SPTB: variants seen among roughly 807,000 people sequenced by gnomAD.
SPTB encodes spectrin beta chain, erythrocytic.
A neutral mutation model predicts 256.2 loss-of-function variants in SPTB; 45 were observed. That is an observed-to-expected ratio of 0.18 (90% CI 0.14 to 0.23). The LOEUF (loss-of-function observed/expected upper bound fraction) is 0.23. Ranked by LOEUF, SPTB falls within the 10% of genes least tolerant of loss-of-function variation. SPTB has a pLI of 1.00. For synonymous variants in SPTB, 1,231 were observed against 1,243.1 expected, an observed-to-expected ratio of 0.99 and a Z score of 0.21; for missense variants, 2,715 against 3,040.4, an observed-to-expected ratio of 0.89 and a Z score of 2.52.
chr14:64,791,690 C>A, intron 15 of SPTB, 29 bp downstream of exon 15: 6 of 1,613,860 alleles, frequency 3.7e-6, no homozygotes, highest in Non-Finnish European at 4.2e-6. Context: ...GAGACAATGC[C>A]CCCGCCCCAT....
chr14:64,839,151 C>A (rs2083568152), intron 1 of SPTB, among the ~76,000 whole-genome samples: 1 of 152,026 alleles, frequency 6.6e-6, no homozygotes, highest in Non-Finnish European at 1.5e-5. Context: ...AGCCTCTATG[C>A]AAATATTTAT....
Position 64,790,313 on chromosome 14 carries a change from T to A in SPTB, c.2804+1406A>T, listed in dbSNP as rs1366350852. ...TCTGTAAAGATCAACATTCTCAGACTATAGTTTATTGTTGAGCTGATGAGT... is the reference window on the plus strand; with the variant it reads ...TCTGTAAAGATCAACATTCTCAGACAATAGTTTATTGTTGAGCTGATGAGT... On this transcript the variant is annotated intron_variant, in intron 15 of 35. Coordinates refer to ENST00000644917, the MANE Select transcript of SPTB (RefSeq NM_001355436.2). This position sits in a 1 kb window ranked among gnomAD's most constrained non-coding sequence, Gnocchi z 4.8. 6.6e-6 allele frequency among the ~76,000 whole-genome samples: 1 copy of A among 152,160 alleles called. No individual in the cohort carries two copies. Among genetic ancestry groups the A allele is most frequent in the Non-Finnish European group, 1.5e-5 (1 of 68,040 alleles).
chr14:64,788,901 G>A (rs2082621755), intron 15 of SPTB, among the ~76,000 whole-genome samples: 2 of 152,364 alleles, frequency 1.3e-5, no homozygotes, highest in Middle Eastern at 3.4e-3. Flanking sequence ...TACGGTGAAA[G>A]ATGATCACAC....
chr14:64,823,270 C>T lies in SPTB; in HGVS notation c.-51-125G>A. 2 of 732,396 alleles carry T rather than the reference C, an allele frequency of 2.7e-6. No homozygotes were observed. Among genetic ancestry groups the T allele is most frequent in the Non-Finnish European group, 4.7e-6 (2 of 422,922 alleles). 45.4% of individuals were successfully genotyped at this position (732,396 alleles called of 1,614,324 possible). A position where few individuals can be genotyped will look rare whatever the true frequency, so the allele number is the denominator to read the frequency against. On this transcript the variant is annotated intron_variant, in intron 1 of 35. Coordinates refer to ENST00000644917, the MANE Select transcript of SPTB (RefSeq NM_001355436.2). The surrounding 1 kb of genome is among the most constrained non-coding windows in gnomAD (Gnocchi z 6.5). ...CAGAAGCAGAACGCCATGTCATCTG[C>T]CTGGGCGTGCTTCCTACCAGGGTCT...
Position 64,802,996 on chromosome 14 carries a change from GT to G in SPTB, c.474+610del, listed in dbSNP as rs2082915225. ...AACTCTGCTGCTATTGTTGTTCAAT[GT>G]TATGCACCCATGGAGAGTGAGATCG... On this transcript the variant is annotated intron_variant, in intron 4 of 35. Transcript: ENST00000644917. The surrounding 1 kb of genome is among the most constrained non-coding windows in gnomAD (Gnocchi z 5.1). Among the ~76,000 whole-genome samples, 1 of 152,150 alleles carries G rather than the reference GT, an allele frequency of 6.6e-6. No homozygotes were observed. The highest frequency in any genetic ancestry group is 1.5e-5 in the Non-Finnish European group (1 of 68,036).
chr14:64,840,313 C>A (rs1274494676), intron 1 of SPTB, among the ~76,000 whole-genome samples: 1 of 152,202 alleles, frequency 6.6e-6, no homozygotes, highest in African/African-American at 2.4e-5. Flanking sequence ...TGAGAATACT[C>A]CACGAGGCTA....
intron 2 of SPTB, among the ~76,000 whole-genome samples, chr14:64,821,767 A>C (rs1281192109): frequency 6.6e-6 from 1 of 152,196 alleles, no homozygotes; most frequent in Non-Finnish European, 1.5e-5. Flanking sequence ...GTAATGACTG[A>C]GACCCAAGTG....
chr14:64,767,491 T>C, intron 30 of SPTB, 139 bp from the exon 31 acceptor site: 1 of 1,418,184 alleles, frequency 7.1e-7, no homozygotes, highest in Non-Finnish European at 9.9e-7. Context: ...TTCTGTCCTT[T>C]GCATTCGGAG....
At chr14:64,828,240 A>G (rs2083402817) in intron 1 of SPTB, among the ~76,000 whole-genome samples, 1 of 146,094 alleles carries the variant, frequency 6.8e-6, no homozygotes, top group Non-Finnish European at 1.5e-5. Flanking sequence ...CAACTTGTCC[A>G]CTCTCATCAT....
chr14:64,820,341 G>A (rs544926042), intron 2 of SPTB, among the ~76,000 whole-genome samples: 2 of 152,292 alleles, frequency 1.3e-5, no homozygotes, highest in African/African-American at 4.8e-5. Context: ...TGCCTACCCA[G>A]CAGAATGGGC....
rs978895532 is a variant in SPTB, at chr14:64,753,615, T to C, written c.6524A>G (p.His2175Arg). Residue 2175 changes from histidine to arginine, a missense_variant, in exon 33 of 36, where the codon CAT becomes CGT. His to Arg is a conservative substitution (Grantham distance 29). Coordinates refer to ENST00000644917, the MANE Select transcript of SPTB (RefSeq NM_001355436.2). ...EPATLPAPRD[H>R]GQSVQMEGYL... is the part of the protein sequence containing the mutation. ...GCCTTCCATCTGCACACTCTGCCCA[T>C]GGTCCCGCGGGGCCGGCAGCGTTGC... The C allele has an allele frequency of 5.0e-6, 8 of 1,613,640 alleles. No homozygotes were observed. The highest frequency in any genetic ancestry group is 5.9e-6 in the Non-Finnish European group (7 of 1,180,014).
intron 24 of SPTB, 95 bp downstream of exon 24, chr14:64,774,298 CTCTT>C (rs1262316636): frequency 6.9e-7 from 1 of 1,450,042 alleles, no homozygotes; most frequent in African/African-American, 1.4e-5. Flanking sequence ...GATGGGAAAA[CTCTT>C]TCCATTTTCC....
At position 64,782,482 on chromosome 14, in the gene SPTB, G is replaced by A. The variant is rs146570433; in HGVS notation, c.4074C>T (p.His1358=). ...TGGCCTGCAGCTCGTCCCAGAGCCG[G>A]TGCAGGGCTTCCAGCTTTTGGGACA... ...ALVSQKLEAL[H]RLWDELQATT... is the part of the protein sequence containing the mutation. The change falls in exon 20 of 36, where the codon CAC becomes CAT. Residue 1358 remains histidine (H), a synonymous_variant. Transcript: ENST00000644917. The A allele has an allele frequency of 3.7e-6, 6 of 1,614,042 alleles. No individual in the cohort carries two copies. The highest frequency in any genetic ancestry group is 1.1e-5 in the South Asian group (1 of 91,090).
chr14:64,802,862 C>A lies in SPTB; in HGVS notation c.475-545G>T, dbSNP rs1296644935. Reference sequence around the variant, plus strand: ...ATGCAGAGAATCAGTGACAAGATGCCCTGATTCCTCCTCTGGAGGTGCAAT... The same window carrying A: ...ATGCAGAGAATCAGTGACAAGATGCACTGATTCCTCCTCTGGAGGTGCAAT... On this transcript the variant is annotated intron_variant, in intron 4 of 35. Coordinates refer to ENST00000644917, the MANE Select transcript of SPTB (RefSeq NM_001355436.2). The surrounding 1 kb of genome is among the most constrained non-coding windows in gnomAD (Gnocchi z 5.1). Among the ~76,000 whole-genome samples, 1 of 152,156 alleles carries A rather than the reference C, an allele frequency of 6.6e-6. No individual in the cohort carries two copies. The highest frequency in any genetic ancestry group is 2.4e-5 in the African/African-American group (1 of 41,436).
chr14:64,822,370 T>TCACACA (rs2083305230), intron 2 of SPTB, among the ~76,000 whole-genome samples: 1 of 1,472 alleles, frequency 6.8e-4, no homozygotes, highest in African/African-American at 1.7e-3. Flanking sequence ...TCTCTCTCTC[T>TCACACA]CTCTCACACA....
At position 64,775,984 on chromosome 14, in the gene SPTB, T is replaced by C. The variant is rs1226038949; in HGVS notation, c.4564-581A>G. Among the ~76,000 whole-genome samples, 2 of 152,184 alleles carry C rather than the reference T, an allele frequency of 1.3e-5. No homozygotes were observed. Among genetic ancestry groups the C allele is most frequent in the Non-Finnish European group, 2.9e-5 (2 of 68,028 alleles). ...TTCTCATATTTTTGTGAGCTTTGCA[T>C]TAGTCCCTGTTTGAGCCTTTGGTCA... is the stretch of plus-strand genomic sequence containing the variant. On this transcript the variant is annotated intron_variant, in intron 22 of 35. Transcript: ENST00000644917. This position sits in a 1 kb window ranked among gnomAD's most constrained non-coding sequence, Gnocchi z 5.0.
intron 1 of SPTB, among the ~76,000 whole-genome samples, chr14:64,851,188 C>A (rs1313710328): frequency 6.6e-6 from 1 of 152,136 alleles, no homozygotes; most frequent in Non-Finnish European, 1.5e-5. Context: ...ATGTTATTTC[C>A]GCTAGTGGAA....
Position 64,777,774 on chromosome 14 carries a change from T to A in SPTB, c.4563+1383A>T, listed in dbSNP as rs2082386757. Reference sequence around the variant, plus strand: ...GTTTTAGGTGAGGAAATGATAAAATTGGATTTATGGTTTAGCCAGGTGAGC... The same window carrying A: ...GTTTTAGGTGAGGAAATGATAAAATAGGATTTATGGTTTAGCCAGGTGAGC... On this transcript the variant is annotated intron_variant, in intron 22 of 35. Coordinates refer to ENST00000644917, the MANE Select transcript of SPTB (RefSeq NM_001355436.2). The surrounding 1 kb of genome is among the most constrained non-coding windows in gnomAD (Gnocchi z 4.5). Among the ~76,000 whole-genome samples the A allele has an allele frequency of 6.6e-6, 1 of 152,160 alleles. No individual in the cohort carries two copies. Among genetic ancestry groups the A allele is most frequent in the East Asian group, 1.9e-4 (1 of 5,194 alleles).
intron 1 of SPTB, among the ~76,000 whole-genome samples, chr14:64,878,101 T>A (rs1882914110): frequency 6.6e-6 from 1 of 152,224 alleles, no homozygotes; most frequent in Admixed American, 6.5e-5. Flanking sequence ...GACTGGCTCA[T>A]CCCCATCATT....
Sources: allele counts gnomAD v4.1 joint callset (sites outside exome capture counted in the v4.1 genomes callset), GRCh38; gene constraint gnomAD v4.1.1; non-coding constraint Gnocchi (gnomAD v3.1); transcripts MANE v1.5; gene names NCBI Gene and HGNC (gene_info 2026-07-23, HGNC 2026-07-21).